GDAP1L1: variants seen among roughly 807,000 people sequenced by gnomAD.
GDAP1L1 encodes ganglioside-induced differentiation-associated protein 1-like 1.
In GDAP1L1, 21 loss-of-function variants were observed where a neutral mutation model predicts 37.1. The ratio of observed to expected loss-of-function variants is 0.57; its 90% CI spans 0.40 to 0.81. The LOEUF is 0.81. GDAP1L1 is among the 40% of genes least tolerant of loss of function. The probability of loss-of-function intolerance (pLI) is 0.00; values close to 1 mark genes in which losing one functional copy is unlikely to be tolerated. For missense variants in GDAP1L1, 362 were observed against 491.6 expected, an observed-to-expected ratio of 0.74 and a Z score of 2.49; for synonymous variants, 193 against 209.1, an observed-to-expected ratio of 0.92 and a Z score of 0.67.
chr20:44,252,392 C>A (rs1471046503), intron 1 of GDAP1L1, among the ~76,000 whole-genome samples: 1 of 152,204 alleles, frequency 6.6e-6, no homozygotes, highest in Non-Finnish European at 1.5e-5. Context: ...GTAATCCCAG[C>A]ACTTTGGGAG....
chr20:44,253,180 G>C (rs1198702292), intron 1 of GDAP1L1, among the ~76,000 whole-genome samples: 1 of 152,156 alleles, frequency 6.6e-6, no homozygotes, highest in East Asian at 1.9e-4. Flanking sequence ...TCTTTTGACA[G>C]ACCAAATTGC....
intron 2 of GDAP1L1, 111 bp from the exon 3 acceptor site, chr20:44,258,323 G>A (rs2073603025): frequency 2.9e-6 from 3 of 1,043,634 alleles, no homozygotes; most frequent in Admixed American, 2.0e-5. Context: ...GAGCATGGGG[G>A]TGCCCAGGGC....
At chr20:44,267,300 C>T (rs2062463186) in intron 5 of GDAP1L1, among the ~76,000 whole-genome samples, 1 of 152,152 alleles carries the variant, frequency 6.6e-6, no homozygotes, top group Admixed American at 6.6e-5. Flanking sequence ...TGGCTCTGGG[C>T]TCTTTCCTGT....
At chr20:44,263,021 C>T (rs1004538125) in intron 3 of GDAP1L1, among the ~76,000 whole-genome samples, 1 of 152,090 alleles carries the variant, frequency 6.6e-6, no homozygotes, top group Non-Finnish European at 1.5e-5. Flanking sequence ...CTTTATGTGC[C>T]TATCTCTCCC....
At chr20:44,269,521 C>T (rs958411082) in intron 5 of GDAP1L1, among the ~76,000 whole-genome samples, 3 of 152,048 alleles carry the variant, frequency 2.0e-5, no homozygotes, top group Non-Finnish European at 4.4e-5. Flanking sequence ...ATGATGTTGG[C>T]GTGGACTGAG....
At chr20:44,269,286 GA>G (rs200873380) in intron 5 of GDAP1L1, among the ~76,000 whole-genome samples, 13 of 149,136 alleles carry the variant, frequency 8.7e-5, no homozygotes, top group Non-Finnish European at 1.6e-4. Context: ...TGCAGTCTTA[GA>G]AAAAAAAAAC....
intron 3 of GDAP1L1, among the ~76,000 whole-genome samples, 188 bp downstream of exon 3, chr20:44,258,795 G>GTCTC (rs976304835): frequency 6.7e-6 from 1 of 150,272 alleles, no homozygotes; most frequent in Non-Finnish European, 1.5e-5. Flanking sequence ...CACTCTGCTG[G>GTCTC]TCTCTCTCTC....
At chr20:44,277,610 G>A (rs948700833) in intron 5 of GDAP1L1, among the ~76,000 whole-genome samples, 6 of 152,358 alleles carry the variant, frequency 3.9e-5, no homozygotes, top group South Asian at 2.1e-4. Context: ...TGAGAAGGGA[G>A]AAGTGACATT....
At chr20:44,273,299 T>C (rs2062539610) in intron 5 of GDAP1L1, among the ~76,000 whole-genome samples, 1 of 152,218 alleles carries the variant, frequency 6.6e-6, no homozygotes, top group Non-Finnish European at 1.5e-5. Flanking sequence ...CTCCTATCTC[T>C]TGGGCTGCTT....
intron 5 of GDAP1L1, among the ~76,000 whole-genome samples, chr20:44,270,840 A>G (rs578194794): frequency 1.2e-4 from 18 of 152,310 alleles, no homozygotes; most frequent in Middle Eastern, 3.4e-3. Context: ...TTTATGATCT[A>G]CTGCTGGAAG....
intron 5 of GDAP1L1, among the ~76,000 whole-genome samples, chr20:44,278,153 C>CAAAAAA (rs3037697): frequency 1.2e-5 from 1 of 85,958 alleles, no homozygotes; most frequent in African/African-American, 4.2e-5. Flanking sequence ...GACTCCATCT[C>CAAAAAA]AAAAAAAAAA....
intron 3 of GDAP1L1, among the ~76,000 whole-genome samples, chr20:44,260,796 T>C (rs1031142734): frequency 6.6e-6 from 1 of 152,030 alleles, no homozygotes; most frequent in African/African-American, 2.4e-5. Context: ...GTGGAAATGG[T>C]CGTGGTGTGT....
At chr20:44,265,847 T>A (rs1335415803) in intron 5 of GDAP1L1, among the ~76,000 whole-genome samples, 1 of 152,162 alleles carries the variant, frequency 6.6e-6, no homozygotes, top group African/African-American at 2.4e-5. Flanking sequence ...TTGTTCCCTC[T>A]CGATGGGTCC....
Position 44,258,383 on chromosome 20 carries a change from G to A in GDAP1L1, c.374-51G>A, listed in dbSNP as rs375208113. 5.2e-4 allele frequency: 789 copies of A among 1,525,200 alleles called. 4 individuals carry two copies. The highest frequency in any genetic ancestry group is 4.3e-3 in the African/African-American group (314 of 72,644). 94.5% of individuals were successfully genotyped at this position (1,525,200 alleles called of 1,614,324 possible). ...TCAGGGATGCCGGGGGCAGGTGGCC[G>A]GGGCAGGTGCCCCTCTGGCTTCCCT... On this transcript the variant is annotated intron_variant, in intron 2 of 5. Coordinates refer to ENST00000342560, the MANE Select transcript of GDAP1L1 (RefSeq NM_024034.6).
Position 44,247,505 on chromosome 20 carries a change from C to A in GDAP1L1, c.171C>A (p.Ser57Arg). 2 of 1,525,322 alleles carry A rather than the reference C, an allele frequency of 1.3e-6. No homozygotes were observed. Among genetic ancestry groups the A allele is most frequent in the Non-Finnish European group, 1.8e-6 (2 of 1,134,120 alleles). The allele number at this position is 1,525,322 out of a possible 1,614,324, so 94.5% of individuals were successfully genotyped here. A position where few individuals can be genotyped will look rare whatever the true frequency, so the allele number is the denominator to read the frequency against. ...LVLYHWTQSF[S>R]SQKVRLVIAE... ...TGTACCACTGGACCCAGTCCTTCAG[C>A]TCGCAGAAGGTAGAGCCGGGCCGGG... The change falls in exon 1 of 6, where the codon AGC becomes AGA. Residue 57 changes from serine to arginine, a missense_variant. Ser to Arg is a moderately radical substitution (Grantham distance 110, BLOSUM62 -1). This residue lies in a region of GDAP1L1 where 277 missense variants were observed against 337.1 expected (regional missense o/e 0.82). Transcript: ENST00000342560.
Position 44,269,119 on chromosome 20 carries a change from C to T in GDAP1L1, c.760+4560C>T, listed in dbSNP as rs147856857. Reference sequence around the variant, plus strand: ...GACAGTAAATGTTGATTACTTTGCACAGTGCCCAGCTCAAGATGAAATGTT... The same window carrying T: ...GACAGTAAATGTTGATTACTTTGCATAGTGCCCAGCTCAAGATGAAATGTT... On this transcript the variant is annotated intron_variant, in intron 5 of 5. Coordinates refer to ENST00000342560, the MANE Select transcript of GDAP1L1 (RefSeq NM_024034.6). 1.9e-3 allele frequency among the ~76,000 whole-genome samples: 291 copies of T among 152,298 alleles called. 2 individuals are homozygous for T. Among genetic ancestry groups the T allele is most frequent in the African/African-American group, 5.9e-3 (245 of 41,540 alleles).
rs113753379 is a variant in GDAP1L1 at position 44,260,285 on chromosome 20, CA to C, written c.547+1691del. Among the ~76,000 whole-genome samples, 302 of 110,034 alleles carry C rather than the reference CA, an allele frequency of 2.7e-3. 1 individual carries two copies. Among genetic ancestry groups the C allele is most frequent in the Middle Eastern group, 9.4e-3 (2 of 212 alleles). The allele number at this position is 110,034 out of a possible 152,430, so 72.2% of individuals were successfully genotyped here. A position where few individuals can be genotyped will look rare whatever the true frequency, so the allele number is the denominator to read the frequency against. On this transcript the variant is annotated intron_variant, in intron 3 of 5. Coordinates refer to ENST00000342560, the MANE Select transcript of GDAP1L1 (RefSeq NM_024034.6). Reference sequence around the variant, plus strand: ...TTAGTGAGTAGAAAAAAGTGAAGGGCAAAAAAAAAAAAACAACATCTAGTGT... The same window carrying C: ...TTAGTGAGTAGAAAAAAGTGAAGGGCAAAAAAAAAAAACAACATCTAGTGT...
At chr20:44,272,794 C>G (rs1292007491) in intron 5 of GDAP1L1, among the ~76,000 whole-genome samples, 4 of 152,206 alleles carry the variant, frequency 2.6e-5, no homozygotes, top group African/African-American at 9.7e-5. Flanking sequence ...ATGTCTGAGG[C>G]AAACATCCAG....
chr20:44,268,817 T>G (rs1014142189), intron 5 of GDAP1L1, among the ~76,000 whole-genome samples: 3 of 151,950 alleles, frequency 2.0e-5, no homozygotes, highest in Admixed American at 6.6e-5. Context: ...CTGGAGCGGG[T>G]GAGGTGAGAT....
Sources: allele counts gnomAD v4.1 joint callset (sites outside exome capture counted in the v4.1 genomes callset), GRCh38; gene constraint gnomAD v4.1.1; regional missense constraint gnomAD v4.1.1; transcripts MANE v1.5; gene names NCBI Gene and HGNC (gene_info 2026-07-23, HGNC 2026-07-21).